The following PAQR3 variants were observed in gnomAD, a reference collection of about 807,000 sequenced individuals.
The protein encoded by PAQR3 is Raf kinase trapping to Golgi.
PAQR3 carries 39 observed loss-of-function variants against 41.7 expected under a neutral mutation model. The observed-to-expected ratio is 0.93, with a 90% CI of 0.72 to 1.22. The LOEUF is 1.22. PAQR3 is among the 50% of genes most tolerant of loss of function. The pLI is 0.00. For missense variants in PAQR3, 366 were observed against 385.6 expected, an observed-to-expected ratio of 0.95 and a Z score of 0.42; for synonymous variants, 140 against 140.6, an observed-to-expected ratio of 1.00 and a Z score of 0.03.
At chr4:78,899,986 T>C (rs1435646414) in intron 11 of PAQR3, among the ~76,000 whole-genome samples, 1 of 152,194 alleles carries the variant, frequency 6.6e-6, no homozygotes, top group African/African-American at 2.4e-5. Context: ...TGTTGATATA[T>C]ACAGTCGATC....
rs1301473459 is a variant in PAQR3, at chr4:78,916,738, A to ACAT, written c.*3798_*3800dup. On this transcript the variant is annotated 3_prime_UTR_variant, in exon 6 of 6. Transcript: ENST00000512733. ...TTTTTAAAAATCTTTAAAACTGATA[A>ACAT]CATCTTTGGCTGAATTAATACTGGT... 1 of 151,866 alleles carries ACAT rather than the reference A, an allele frequency of 6.6e-6. No individual in the cohort carries two copies. The highest frequency in any genetic ancestry group is 2.4e-5 in the African/African-American group (1 of 41,426). The allele number at this position is 151,866 out of a possible 1,614,324, so 9.4% of individuals were successfully genotyped here. A position where few individuals can be genotyped will look rare whatever the true frequency, so the allele number is the denominator to read the frequency against.
rs1053400360 is a variant in PAQR3, at chr4:78,939,370, C to G, written c.-146G>C. On this transcript the variant is annotated 5_prime_UTR_variant, in exon 1 of 6. Transcript: ENST00000512733. ...CGCGCTGCCGCTGCTGCCCAGGGCC[C>G]GGCTCTGCGCTCACACCGGCCACTG... 1 of 584,542 alleles carries G rather than the reference C, an allele frequency of 1.7e-6. No homozygotes were observed. The highest frequency in any genetic ancestry group is 4.4e-5 in the East Asian group (1 of 22,710). The allele number at this position is 584,542 out of a possible 1,614,324, so 36.2% of individuals were successfully genotyped here.
chr4:78,915,469 T>C lies in PAQR3; in HGVS notation c.*5070A>G, dbSNP rs989721526. ...GAATGTGCAGTAAACTTTTTTCTCA[T>C]TTTTTTTTCTTTTTAGCAAACTTGT... is the stretch of plus-strand genomic sequence containing the variant. On this transcript the variant is annotated 3_prime_UTR_variant, in exon 6 of 6. Coordinates refer to ENST00000512733, the MANE Select transcript of PAQR3 (RefSeq NM_001040202.2). 3 of 151,190 alleles carry C rather than the reference T, an allele frequency of 2.0e-5. No homozygotes were observed. The highest frequency in any genetic ancestry group is 4.4e-5 in the Non-Finnish European group (3 of 67,650). The allele number at this position is 151,190 out of a possible 1,614,324, so 9.4% of individuals were successfully genotyped here. A position where few individuals can be genotyped will look rare whatever the true frequency, so the allele number is the denominator to read the frequency against.
chr4:78,931,789 A>G (rs1736930871), intron 2 of PAQR3, among the ~76,000 whole-genome samples: 1 of 152,220 alleles, frequency 6.6e-6, no homozygotes. Flanking sequence ...AGGTGTGCAC[A>G]TATTTATGGC....
intron 1 of PAQR3, among the ~76,000 whole-genome samples, chr4:78,938,547 A>C (rs1737674617): frequency 6.6e-6 from 1 of 152,138 alleles, no homozygotes; most frequent in Admixed American, 6.5e-5. Flanking sequence ...TCATGAAAAC[A>C]AGGGCCATGT....
At chr4:78,911,749 C>T, downstream of PAQR3, 1 of 1,613,908 alleles carries the variant, frequency 6.2e-7, no homozygotes, top group South Asian at 1.1e-5. Flanking sequence ...CCTGTTGGAC[C>T]CCTTCGGTGC....
rs572788139 is a variant in PAQR3, at chr4:78,900,883, T to C, written c.*836+5225A>G. 2.2e-4 allele frequency among the ~76,000 whole-genome samples: 34 copies of C among 152,346 alleles called. No individual in the cohort carries two copies. The South Asian group carries it at 2.7e-3, about 12-fold the overall frequency. On this transcript the variant is annotated intron_variant and NMD_transcript_variant, in intron 11 of 12. Coordinates refer to the PAQR3 transcript ENST00000342820. Reference sequence around the variant, plus strand: ...TTATGTTTTATTCCACAAGTTGATATTTTAATTATCATGAATTATATTTGC... The same window carrying C: ...TTATGTTTTATTCCACAAGTTGATACTTTAATTATCATGAATTATATTTGC...
At chr4:78,936,146 G>C (rs910656854) in intron 1 of PAQR3, among the ~76,000 whole-genome samples, 1 of 152,174 alleles carries the variant, frequency 6.6e-6, no homozygotes, top group Non-Finnish European at 1.5e-5. Flanking sequence ...ATTAGATGCT[G>C]CTGCAACTTT....
At chr4:78,937,651 C>T (rs1352912311) in intron 1 of PAQR3, among the ~76,000 whole-genome samples, 1 of 152,132 alleles carries the variant, frequency 6.6e-6, no homozygotes, top group Non-Finnish European at 1.5e-5. Context: ...ACTGTGATTA[C>T]CCTCATTTTT....
chr4:78,890,346 A>AT (rs1395727489), intron 11 of PAQR3, among the ~76,000 whole-genome samples: 16 of 151,114 alleles, frequency 1.1e-4, no homozygotes, highest in East Asian at 1.9e-4. Flanking sequence ...GGAAAATGAG[A>AT]TTTTTTTTTG....
intron 11 of PAQR3, among the ~76,000 whole-genome samples, chr4:78,889,717 CA>C (rs1273965970): frequency 6.6e-6 from 1 of 152,000 alleles, no homozygotes; most frequent in Non-Finnish European, 1.5e-5. Context: ...CCAAGAAAGG[CA>C]AAAAACTACT....
intron 11 of PAQR3, among the ~76,000 whole-genome samples, chr4:78,891,444 T>C (rs1469212198): frequency 1.3e-5 from 2 of 152,222 alleles, no homozygotes; most frequent in East Asian, 1.9e-4. Context: ...TTGCTGTATA[T>C]GCTTTGGTAA....
In PAQR3 at chr4:78,912,207, A is replaced by C; in HGVS notation, c.*8332T>G. 2 of 601,152 alleles carry C rather than the reference A, an allele frequency of 3.3e-6. No individual in the cohort carries two copies. The highest frequency in any genetic ancestry group is 5.6e-6 in the Non-Finnish European group (2 of 357,466). The allele number at this position is 601,152 out of a possible 1,614,324, so 37.2% of individuals were successfully genotyped here. A position where few individuals can be genotyped will look rare whatever the true frequency, so the allele number is the denominator to read the frequency against. On this transcript the variant is annotated 3_prime_UTR_variant, in exon 6 of 6. Coordinates refer to ENST00000512733, the MANE Select transcript of PAQR3 (RefSeq NM_001040202.2). ...AATGAAGTATCTCTACAGGGTAGTA[A>C]CTTGATTCCTCTTCAGGAGAAAAGG...
At chr4:78,898,880 GT>G (rs1733849776) in intron 11 of PAQR3, 1 of 152,214 alleles carries the variant, frequency 6.6e-6, no homozygotes, top group Non-Finnish European at 1.5e-5. Flanking sequence ...TGTGCTTGTA[GT>G]CCCAGCTGCT....
chr4:78,922,682 T>C, intron 5 of PAQR3: 2 of 359,900 alleles, frequency 5.6e-6, no homozygotes. Context: ...CTTGGTTACA[T>C]GATATGTGCA....
intron 1 of PAQR3, among the ~76,000 whole-genome samples, chr4:78,935,924 A>G (rs549320131): frequency 6.6e-5 from 10 of 152,234 alleles, no homozygotes; most frequent in Non-Finnish European, 8.8e-5. Context: ...TCCAGGTGGC[A>G]TAAGTTTCTC....
At chr4:78,922,060 G>C in intron 5 of PAQR3, 1 of 1,028,556 alleles carries the variant, frequency 9.7e-7, no homozygotes, top group Non-Finnish European at 1.2e-6. Context: ...TCATGGTTTA[G>C]TGTTCTACTT....
Position 78,920,316 on chromosome 4 carries a change from A to T in PAQR3, c.*223T>A, listed in dbSNP as rs535454906. ...AGATGTTTCTTATGATTGCCAACTAATTTTCACTTTCTGTACAAGCAGCAA... is the reference window on the plus strand; with the variant it reads ...AGATGTTTCTTATGATTGCCAACTATTTTTCACTTTCTGTACAAGCAGCAA... On this transcript the variant is annotated 3_prime_UTR_variant, in exon 6 of 6. Transcript: ENST00000512733. 1.0e-5 allele frequency: 12 copies of T among 1,193,618 alleles called. No homozygotes were observed. In the Admixed American group the frequency reaches 4.4e-4, roughly 44 times the overall value. 73.9% of individuals were successfully genotyped at this position (1,193,618 alleles called of 1,614,324 possible).
At position 78,918,549 on chromosome 4, in the gene PAQR3, A is replaced by G; in HGVS notation, c.*1990T>C. 2 of 976,234 alleles carry G rather than the reference A, an allele frequency of 2.0e-6. No homozygotes were observed. The highest frequency in any genetic ancestry group is 2.4e-6 in the Non-Finnish European group (2 of 821,202). The allele number at this position is 976,234 out of a possible 1,614,324, so 60.5% of individuals were successfully genotyped here. On this transcript the variant is annotated 3_prime_UTR_variant, in exon 6 of 6. Transcript: ENST00000512733. ...CAGAGTTGAAATGTTTACATGGAAT[A>G]ATTTTCCCTACAGAAAGACCTGTAC...
Sources: gnomAD v4.1 joint callset for allele counts (sites outside exome capture counted in the v4.1 genomes callset) on GRCh38, gnomAD v4.1.1 for gene constraint, MANE v1.5 for transcripts, NCBI Gene and HGNC (gene_info 2026-07-23, HGNC 2026-07-21) for gene names.